RGS7: variants seen among roughly 807,000 people sequenced by gnomAD.
RGS7 encodes regulator of G protein signaling 7, also known as regulator of G-protein signaling 7.
A neutral mutation model predicts 81.1 loss-of-function variants in RGS7; 27 were observed. The observed-to-expected ratio is 0.33, with a 90% CI of 0.25 to 0.46. The LOEUF is 0.46. Ranked by LOEUF, RGS7 falls within the 20% of genes least tolerant of loss-of-function variation. The pLI is 1.00. For synonymous variants in RGS7, 208 were observed against 207.7 expected (o/e 1.00, Z -0.01); for missense variants, 396 against 607.4 (o/e 0.65, Z 3.66).
chr1:240,833,780 A>C lies in RGS7; in HGVS notation c.610-6608T>G, dbSNP rs557191249. Among the ~76,000 whole-genome samples the C allele has an allele frequency of 2.6e-5, 4 of 152,176 alleles. No individual in the cohort carries two copies. The East Asian group carries it at 7.7e-4, about 29-fold the overall frequency. On this transcript the variant is annotated intron_variant, in intron 9 of 18. Transcript: ENST00000440928. ...GTGTTCACTTACATGAAGTAACTATAGATTTTAAAGTGTTCAGTCTCAGGA... is the reference window on the plus strand; with the variant it reads ...GTGTTCACTTACATGAAGTAACTATCGATTTTAAAGTGTTCAGTCTCAGGA...
At chr1:241,306,976 A>G (rs2080213059) in intron 2 of RGS7, among the ~76,000 whole-genome samples, 1 of 152,244 alleles carries the variant, frequency 6.6e-6, no homozygotes, top group Admixed American at 6.5e-5. Flanking sequence ...CAAGGGAGAA[A>G]GAGTGTAAAA....
chr1:241,209,864 A>G (rs2074142324), intron 2 of RGS7, among the ~76,000 whole-genome samples: 1 of 151,914 alleles, frequency 6.6e-6, no homozygotes, highest in African/African-American at 2.4e-5. Flanking sequence ...AAATAAAGAA[A>G]ATTAAAATAA....
intron 9 of RGS7, among the ~76,000 whole-genome samples, chr1:240,858,602 T>A (rs1303448475): frequency 6.6e-6 from 1 of 152,230 alleles, no homozygotes; most frequent in Non-Finnish European, 1.5e-5. Flanking sequence ...AAGAGTTATT[T>A]GTATATTTTG....
chr1:241,218,321 A>G (rs949809667), intron 2 of RGS7, among the ~76,000 whole-genome samples: 1 of 152,224 alleles, frequency 6.6e-6, no homozygotes, highest in Non-Finnish European at 1.5e-5. Context: ...TCTGTACAAT[A>G]CCTGTCAAAC....
chr1:241,022,286 C>G (rs1278969784), intron 3 of RGS7, among the ~76,000 whole-genome samples: 6 of 152,150 alleles, frequency 3.9e-5, no homozygotes, highest in Non-Finnish European at 8.8e-5. Flanking sequence ...TTGTTCATTC[C>G]TGGGTGTAGA....
At chr1:240,951,815 C>CA (rs1390897750) in intron 4 of RGS7, among the ~76,000 whole-genome samples, 5 of 151,082 alleles carry the variant, frequency 3.3e-5, no homozygotes, top group Admixed American at 1.3e-4. Flanking sequence ...AAGTAAATAA[C>CA]AAAAAAATCT....
At chr1:240,784,701 T>C (rs1193201412) in intron 18 of RGS7, among the ~76,000 whole-genome samples, 1 of 151,372 alleles carries the variant, frequency 6.6e-6, no homozygotes, top group Non-Finnish European at 1.5e-5. Context: ...ATTTTCGCTA[T>C]CCTTTTGCAA....
At chr1:241,354,949 A>T (rs1209152251) in intron 2 of RGS7, among the ~76,000 whole-genome samples, 1 of 152,250 alleles carries the variant, frequency 6.6e-6, no homozygotes, top group Non-Finnish European at 1.5e-5. Flanking sequence ...TGCCTAAGCA[A>T]TCACTCAAAA....
chr1:241,204,962 AAC>A (rs1422940666), intron 2 of RGS7, among the ~76,000 whole-genome samples: 4 of 152,188 alleles, frequency 2.6e-5, no homozygotes, highest in Non-Finnish European at 2.9e-5. Flanking sequence ...ATATTATATA[AAC>A]ACAGTTACAC....
rs138116326 is a variant in RGS7, at chr1:241,202,011, G to GAAGAACACACACACACACACACAC, written c.79-103250_79-103249insGTGTGTGTGTGTGTGTGTGTTCTT. Among the ~76,000 whole-genome samples the GAAGAACACACACACACACACACAC allele has an allele frequency of 4.7e-4, 68 of 145,064 alleles. 2 individuals carry two copies. Among genetic ancestry groups the GAAGAACACACACACACACACACAC allele is most frequent in the South Asian group, 8.9e-4 (4 of 4,498 alleles). On this transcript the variant is annotated intron_variant, in intron 2 of 18. Transcript: ENST00000440928. ...CCCTGCAAACACACAGACACACACA[G>GAAGAACACACACACACACACACAC]ACACACACACACACACACACACACA...
At chr1:240,997,482 T>C (rs1687468978) in intron 3 of RGS7, among the ~76,000 whole-genome samples, 1 of 152,140 alleles carries the variant, frequency 6.6e-6, no homozygotes, top group South Asian at 2.1e-4. Context: ...ACATTTAGAA[T>C]CATATCAGAC....
At chr1:241,228,477 T>C (rs907948752) in intron 2 of RGS7, among the ~76,000 whole-genome samples, 18 of 152,192 alleles carry the variant, frequency 1.2e-4, no homozygotes, top group African/African-American at 4.1e-4. Flanking sequence ...TAAAGACTAC[T>C]ATGGGCATTG....
At chr1:240,839,696 G>C (rs1695291228) in intron 9 of RGS7, among the ~76,000 whole-genome samples, 1 of 152,118 alleles carries the variant, frequency 6.6e-6, no homozygotes, top group Admixed American at 6.5e-5. Flanking sequence ...CCCAGATCCT[G>C]AGTGAACAAT....
chr1:240,793,611 A>ATTTTTTTTTTTTTTTTTTTTTTTT (rs1205854418), intron 18 of RGS7, among the ~76,000 whole-genome samples: 1 of 78,872 alleles, frequency 1.3e-5, no homozygotes, highest in African/African-American at 9.7e-5. Context: ...ATATATATAT[A>ATTTTTTTTTTTTTTTTTTTTTTTT]TTTTTTTTTT....
At chr1:240,852,916 T>C (rs928281003) in intron 9 of RGS7, among the ~76,000 whole-genome samples, 10 of 152,174 alleles carry the variant, frequency 6.6e-5, no homozygotes, top group African/African-American at 2.4e-4. Context: ...AAAGACCAAT[T>C]TTAAGTCATC....
At chr1:241,056,319 C>T (rs2061476562) in intron 3 of RGS7, among the ~76,000 whole-genome samples, 1 of 152,212 alleles carries the variant, frequency 6.6e-6, no homozygotes, top group Admixed American at 6.5e-5. Context: ...GTAACACCTT[C>T]CGTACTGTTC....
chr1:241,142,514 A>C (rs1303579952), intron 2 of RGS7, among the ~76,000 whole-genome samples: 4 of 152,136 alleles, frequency 2.6e-5, no homozygotes, highest in Non-Finnish European at 5.9e-5. Context: ...GAAGCTGCCA[A>C]AGGTTGAGGC....
chr1:241,351,701 A>T (rs1358516652), intron 2 of RGS7, among the ~76,000 whole-genome samples: 1 of 152,214 alleles, frequency 6.6e-6, no homozygotes, highest in Non-Finnish European at 1.5e-5. Flanking sequence ...AAGGGACAGC[A>T]CAGGAGAATG....
chr1:241,211,316 A>T (rs1452937263), intron 2 of RGS7, among the ~76,000 whole-genome samples: 2 of 152,166 alleles, frequency 1.3e-5, no homozygotes, highest in Admixed American at 6.5e-5. Context: ...CATGAAATGA[A>T]AGGCAGGCAT....
Sources: gnomAD v4.1 joint callset for allele counts (sites outside exome capture counted in the v4.1 genomes callset) on GRCh38, gnomAD v4.1.1 for gene constraint, MANE v1.5 for transcripts, NCBI Gene and HGNC (gene_info 2026-07-23, HGNC 2026-07-21) for gene names.